NUMA1: variants seen among roughly 807,000 people sequenced by gnomAD.
The protein encoded by NUMA1 is SP-H antigen.
NUMA1 carries 62 observed loss-of-function variants against 237.1 expected under a neutral mutation model. That is an observed-to-expected ratio of 0.26 (90% confidence interval 0.21 to 0.32). NUMA1 has a LOEUF of 0.32. NUMA1 is among the 10% of genes least tolerant of loss of function. The pLI, the probability that NUMA1 is intolerant of heterozygous loss-of-function variation, is 1.00. For synonymous variants in NUMA1, 1,028 were observed against 1,066.1 expected (o/e 0.96, Z 0.70); for missense variants, 2,533 against 2,666.5 (o/e 0.95, Z 1.10).
At chr11:72,065,132 T>G (rs1001753058) in intron 2 of NUMA1, 4 of 152,158 alleles carry the variant, frequency 2.6e-5, no homozygotes, top group Admixed American at 2.6e-4. Context: ...TTCATATTGT[T>G]TAATCTAGTA....
intron 14 of NUMA1, 49 bp downstream of exon 14, chr11:72,016,358 TG>T (rs768536693): frequency 1.7e-5 from 28 of 1,605,516 alleles, no homozygotes; most frequent in Non-Finnish European, 2.2e-5. Context: ...ATGTACTGAA[TG>T]TGAGTCCACA....
In NUMA1 at chr11:72,007,177, C is replaced by T; in HGVS notation, c.5463+12G>A. 2 of 1,605,486 alleles carry T rather than the reference C, an allele frequency of 1.2e-6. No individual in the cohort carries two copies. Among genetic ancestry groups the T allele is most frequent in the Non-Finnish European group, 1.7e-6 (2 of 1,179,786 alleles). On this transcript the variant is annotated intron_variant, in intron 21 of 26. Transcript: ENST00000393695. ...AATTGCTGCCCTGCAGCCCCTGTCC[C>T]AGCAGCCTGACCTTGGTCATGGTGA... is the stretch of plus-strand genomic sequence containing the variant.
chr11:72,074,571 T>G (rs1943619246), intron 1 of NUMA1, among the ~76,000 whole-genome samples: 1 of 151,854 alleles, frequency 6.6e-6, no homozygotes, highest in African/African-American at 2.4e-5. Context: ...AGACCTCGTC[T>G]CTACTAAAAA....
chr11:72,025,536 C>G (rs1939469094), intron 4 of NUMA1, among the ~76,000 whole-genome samples: 2 of 152,156 alleles, frequency 1.3e-5, no homozygotes, highest in South Asian at 4.1e-4. Flanking sequence ...TTTTCAGAAG[C>G]AGCAGGTGAA....
chr11:72,022,130 G>T, intron 7 of NUMA1: 1 of 462,968 alleles, frequency 2.2e-6, no homozygotes, highest in East Asian at 3.7e-5. Context: ...CCTTTAAAAA[G>T]TTAGCAAACT....
At chr11:72,058,845 T>C (rs544059198) in intron 2 of NUMA1, among the ~76,000 whole-genome samples, 1 of 152,356 alleles carries the variant, frequency 6.6e-6, no homozygotes, top group South Asian at 2.1e-4. Flanking sequence ...TGTTCTGGTC[T>C]CAGCAGCTGC....
At chr11:72,010,571 G>A (rs1005683174) in intron 17 of NUMA1, among the ~76,000 whole-genome samples, 4 of 152,212 alleles carry the variant, frequency 2.6e-5, no homozygotes, top group Non-Finnish European at 5.9e-5. Context: ...TGCTGAAGTG[G>A]ACAGTGACAG....
rs377582864 is a variant in NUMA1, at chr11:72,009,307, C to G, written c.4800G>C (p.Leu1600Phe). The G allele has an allele frequency of 8.7e-6, 14 of 1,613,470 alleles. No homozygotes were observed. The African/African-American group carries it at 1.7e-4, about 20-fold the overall frequency. Residue 1600 changes from leucine (L) to phenylalanine (F), a missense_variant, in exon 18 of 27, where the codon TTG (leucine) becomes TTC (phenylalanine). Leu to Phe is a conservative substitution (Grantham distance 22). Coordinates refer to ENST00000393695, the MANE Select transcript of NUMA1 (RefSeq NM_006185.4). ...GCTCAGCTGCCTGCTCCTTCTGGCT[C>G]AACTGGGCTTGCAGTTCATTCAGCT... ...QAQLNELQAQ[L>F]SQKEQAAEHY... is the part of the protein sequence containing the mutation.
chr11:72,004,256 T>G lies in NUMA1; in HGVS notation c.6092A>C (p.Gln2031Pro). 1.2e-6 allele frequency: 2 copies of G among 1,612,156 alleles called. No individual in the cohort carries two copies. Among genetic ancestry groups the G allele is most frequent in the Non-Finnish European group, 1.7e-6 (2 of 1,179,566 alleles). The change falls in exon 25 of 27, where the codon CAG (glutamine) becomes CCG (proline). Residue 2031 changes from glutamine to proline, a missense_variant. By Grantham distance (76) the Gln-to-Pro change is moderately conservative. This residue lies in a region of NUMA1 where 795 missense variants were observed against 750.8 expected (regional missense o/e 1.06). Coordinates refer to ENST00000393695, the MANE Select transcript of NUMA1 (RefSeq NM_006185.4). ...AGTAGAAGCTGGAGCTGCTTTCTTC[T>G]GGGCCTCAGTAGTGCTCTGTTTGCG... ...EGRKQSTTEA[Q>P]KKAAPASTKQ...
rs539660094 is a variant in NUMA1 at position 72,011,000 on chromosome 11, G to A, written c.4651-146C>T. ...GGCCCTTTCTCTGGCCTCCAATTAC[G>A]GAACAGCCTGCTGCCCAGGCTGCTT... On this transcript the variant is annotated intron_variant, in intron 16 of 26. Transcript: ENST00000393695. The A allele has an allele frequency of 8.6e-4, 636 of 738,704 alleles. 9 individuals carry two copies. Among genetic ancestry groups the A allele is most frequent in the South Asian group, 3.9e-3 (239 of 61,150 alleles). The allele number at this position is 738,704 out of a possible 1,614,324, so 45.8% of individuals were successfully genotyped here.
rs34393610 is a variant in NUMA1, at chr11:72,017,497, GA to G, written c.1119+189del. 119 of 481,690 alleles carry G rather than the reference GA, an allele frequency of 2.5e-4. No individual in the cohort carries two copies. In the East Asian group the frequency reaches 2.9e-3, roughly 12 times the overall value. The allele number at this position is 481,690 out of a possible 1,614,324, so 29.8% of individuals were successfully genotyped here. A position where few individuals can be genotyped will look rare whatever the true frequency, so the allele number is the denominator to read the frequency against. ...CTATAAAGTGAGGGCATTGACTGGGGAAAAAAAAAATAAGTTAAAAAAAAAA... is the reference window on the plus strand; with the variant it reads ...CTATAAAGTGAGGGCATTGACTGGGGAAAAAAAAATAAGTTAAAAAAAAAA... On this transcript the variant is annotated intron_variant, in intron 13 of 26. Coordinates refer to ENST00000393695, the MANE Select transcript of NUMA1 (RefSeq NM_006185.4).
chr11:72,077,384 C>T (rs1344630633), intron 1 of NUMA1, among the ~76,000 whole-genome samples: 1 of 152,120 alleles, frequency 6.6e-6, no homozygotes, highest in East Asian at 1.9e-4. Context: ...AGACAGGTTA[C>T]CCACAATAAA....
At chr11:72,046,082 G>C (rs1445178731) in intron 2 of NUMA1, among the ~76,000 whole-genome samples, 3 of 152,178 alleles carry the variant, frequency 2.0e-5, no homozygotes, top group African/African-American at 7.2e-5. Context: ...ACAGCCCAAG[G>C]AGCCTGGCCA....
Position 72,058,602 on chromosome 11 carries a change from C to T in NUMA1, c.-33+11240G>A, listed in dbSNP as rs573242964. Among the ~76,000 whole-genome samples the T allele has an allele frequency of 9.2e-5, 14 of 152,326 alleles. No individual in the cohort carries two copies. In the South Asian group the frequency reaches 2.9e-3, roughly 32 times the overall value. ...AAAAAAAACTATTTCTACACACATA[C>T]TTTCCTTGTTGTCCCATGTTTTGAT... On this transcript the variant is annotated intron_variant, in intron 2 of 26. Coordinates refer to ENST00000393695, the MANE Select transcript of NUMA1 (RefSeq NM_006185.4).
intron 3 of NUMA1, among the ~76,000 whole-genome samples, chr11:72,035,367 G>T (rs1332270639): frequency 6.6e-6 from 1 of 151,274 alleles, no homozygotes; most frequent in East Asian, 1.9e-4. Context: ...CAAAGTCCCT[G>T]CATATGTTGA....
chr11:72,065,547 T>C (rs1164007941), intron 2 of NUMA1: 2 of 152,030 alleles, frequency 1.3e-5, no homozygotes, highest in East Asian at 1.9e-4. Context: ...TGAAAGAAAA[T>C]AGGCTAAAAT....
chr11:72,055,599 A>G (rs1231186121), intron 2 of NUMA1, among the ~76,000 whole-genome samples: 13 of 152,190 alleles, frequency 8.5e-5, no homozygotes, highest in Admixed American at 7.2e-4. Context: ...TGTAGGTGCT[A>G]GTAACACAGG....
chr11:72,056,325 C>CTTT (rs34278553), intron 2 of NUMA1, among the ~76,000 whole-genome samples: 63 of 139,886 alleles, frequency 4.5e-4, no homozygotes, highest in African/African-American at 1.6e-3. Flanking sequence ...TCCCATCTCT[C>CTTT]TTTTTTTTTT....
At chr11:72,046,417 G>A (rs1351744139) in intron 2 of NUMA1, among the ~76,000 whole-genome samples, 4 of 152,170 alleles carry the variant, frequency 2.6e-5, no homozygotes, top group African/African-American at 9.7e-5. Flanking sequence ...GGTGGCGCAT[G>A]CCTGTAATCC....
Sources: allele counts gnomAD v4.1 joint callset (sites outside exome capture counted in the v4.1 genomes callset), GRCh38; gene constraint gnomAD v4.1.1; regional missense constraint gnomAD v4.1.1; transcripts MANE v1.5; gene names NCBI Gene and HGNC (gene_info 2026-07-23, HGNC 2026-07-21).